Variants in STRN observed in about 807,000 individuals in gnomAD.
STRN encodes protein phosphatase 2 regulatory subunit B'''alpha.
STRN carries 53 observed loss-of-function variants against 96.3 expected under a neutral mutation model. The observed-to-expected ratio is 0.55, with a 90% CI of 0.44 to 0.69. STRN has a LOEUF of 0.69. Among genes scored for constraint, STRN ranks in the 30% least tolerant of loss-of-function variants. STRN has a pLI of 0.00. For synonymous variants in STRN, 428 were observed against 355.9 expected (o/e 1.20, Z -2.28); for missense variants, 987 against 963.9 (o/e 1.02, Z -0.32).
At chr2:36,907,377 G>C (rs558531739) in intron 3 of STRN, among the ~76,000 whole-genome samples, 79 of 152,194 alleles carry the variant, frequency 5.2e-4, no homozygotes, top group Admixed American at 7.8e-4. Context: ...GTGAAATCCT[G>C]TCTCTACTAA....
In STRN at chr2:36,932,232, G is replaced by A. The variant is rs575557856; in HGVS notation, c.235-7024C>T. 2.7e-3 allele frequency among the ~76,000 whole-genome samples: 417 copies of A among 152,094 alleles called. 1 individual carries two copies. Among genetic ancestry groups the A allele is most frequent in the African/African-American group, 9.7e-3 (401 of 41,492 alleles). The stretch of plus-strand genomic sequence containing the variant: ...TACAGTGGCGTGATCTCGGCTCACT[G>A]CAACCTCCACCTCCCGGGTTCAAGC... On this transcript the variant is annotated intron_variant, in intron 1 of 17. Transcript: ENST00000263918.
At chr2:36,894,117 A>G in intron 6 of STRN, 84 bp from the exon 7 acceptor site, 1 of 1,489,716 alleles carries the variant, frequency 6.7e-7, no homozygotes, top group Non-Finnish European at 9.0e-7. Flanking sequence ...TTTCTTCAGA[A>G]AGTATACGTT....
intron 1 of STRN, among the ~76,000 whole-genome samples, chr2:36,951,738 T>C (rs1257926249): frequency 6.6e-6 from 1 of 152,178 alleles, no homozygotes; most frequent in Non-Finnish European, 1.5e-5. Context: ...TGCCCTTAGG[T>C]GACTCAGAGT....
intron 9 of STRN, among the ~76,000 whole-genome samples, chr2:36,880,368 A>G (rs1467954706): frequency 9.9e-5 from 15 of 152,202 alleles, no homozygotes; most frequent in Non-Finnish European, 2.2e-4. Flanking sequence ...TGAGCCCAGG[A>G]GTTTGAGGCT....
In STRN at chr2:36,839,855, T is replaced by C. The variant is rs1160035966; in HGVS notation, c.*9601A>G. ...CATTTGAATATTAAATATAAATAGT[T>C]GGTCTCTAACTTGTTGACTGTTTTA... On this transcript the variant is annotated 3_prime_UTR_variant, in exon 18 of 18. Coordinates refer to ENST00000263918, the MANE Select transcript of STRN (RefSeq NM_003162.4). The C allele has an allele frequency of 6.6e-6, 1 of 152,236 alleles. No individual in the cohort carries two copies. Among genetic ancestry groups the C allele is most frequent in the African/African-American group, 2.4e-5 (1 of 41,466 alleles). 9.4% of individuals were successfully genotyped at this position (152,236 alleles called of 1,614,324 possible).
Position 36,848,991 on chromosome 2 carries a change from G to C in STRN, c.*465C>G, listed in dbSNP as rs943798581. The C allele has an allele frequency of 6.3e-6, 1 of 157,638 alleles. No homozygotes were observed. The highest frequency in any genetic ancestry group is 1.9e-4 in the South Asian group (1 of 5,374). The allele number at this position is 157,638 out of a possible 1,614,324, so 9.8% of individuals were successfully genotyped here. A position where few individuals can be genotyped will look rare whatever the true frequency, so the allele number is the denominator to read the frequency against. ...TATACACAAAGGGGTTAATATGGCA[G>C]ATATGATAAAGATTACTATTTTGAC... On this transcript the variant is annotated 3_prime_UTR_variant, in exon 18 of 18. Transcript: ENST00000263918.
chr2:36,942,746 A>G (rs929933602), intron 1 of STRN, among the ~76,000 whole-genome samples: 5 of 151,984 alleles, frequency 3.3e-5, no homozygotes, highest in African/African-American at 1.2e-4. Context: ...CCCAGGCTGG[A>G]GTGCAGTGGC....
intron 2 of STRN, among the ~76,000 whole-genome samples, chr2:36,920,222 A>T (rs1558653353): frequency 6.6e-6 from 1 of 152,126 alleles, no homozygotes; most frequent in African/African-American, 2.4e-5. Flanking sequence ...TTCCTCAATA[A>T]TTTTTTTTAA....
intron 12 of STRN, 77 bp downstream of exon 12, chr2:36,867,737 T>C (rs912306483): frequency 9.6e-5 from 92 of 960,758 alleles, no homozygotes; most frequent in Non-Finnish European, 1.2e-4. Flanking sequence ...ACCTAGTAAG[T>C]GAAAGAAAAT....
chr2:36,880,956 A>G (rs1462987797), intron 9 of STRN, among the ~76,000 whole-genome samples: 1 of 152,106 alleles, frequency 6.6e-6, no homozygotes, highest in African/African-American at 2.4e-5. Flanking sequence ...AGGCAGAGCA[A>G]TAATAAGCAT....
intron 15 of STRN, among the ~76,000 whole-genome samples, chr2:36,852,854 T>C (rs565004748): frequency 3.9e-5 from 6 of 152,286 alleles, no homozygotes; most frequent in African/African-American, 1.4e-4. Context: ...TTACCCAGCC[T>C]GTTATTTAAA....
intron 1 of STRN, among the ~76,000 whole-genome samples, chr2:36,944,809 T>A (rs532355416): frequency 1.3e-5 from 2 of 152,282 alleles, no homozygotes; most frequent in African/African-American, 4.8e-5. Context: ...ATGGAAGAGA[T>A]GCTTAAATTC....
At chr2:36,868,503 G>A (rs569399934) in intron 11 of STRN, among the ~76,000 whole-genome samples, 12 of 152,248 alleles carry the variant, frequency 7.9e-5, no homozygotes, top group African/African-American at 2.9e-4. Flanking sequence ...GACTTTGATG[G>A]AAACTGGATT....
intron 3 of STRN, among the ~76,000 whole-genome samples, chr2:36,906,531 C>A (rs946898952): frequency 6.6e-6 from 1 of 151,844 alleles, no homozygotes; most frequent in Non-Finnish European, 1.5e-5. Flanking sequence ...AGAACTAGAA[C>A]AAAATACTGA....
chr2:36,915,788 C>G (rs1670081560), intron 3 of STRN, among the ~76,000 whole-genome samples: 1 of 152,166 alleles, frequency 6.6e-6, no homozygotes, highest in Non-Finnish European at 1.5e-5. Flanking sequence ...TGGGCAGACC[C>G]AGCAAGACAA....
At chr2:36,949,218 T>C (rs1664692325) in intron 1 of STRN, among the ~76,000 whole-genome samples, 2 of 152,248 alleles carry the variant, frequency 1.3e-5, no homozygotes, top group Admixed American at 6.5e-5. Flanking sequence ...AGCCTAGGTA[T>C]GTAGCAGGCT....
At chr2:36,936,115 GAATA>G (rs1278121409) in intron 1 of STRN, among the ~76,000 whole-genome samples, 1 of 152,016 alleles carries the variant, frequency 6.6e-6, no homozygotes, top group African/African-American at 2.4e-5. Context: ...CTAATCCCCT[GAATA>G]AAGACATTTA....
intron 10 of STRN, 78 bp downstream of exon 10, chr2:36,877,813 G>A (rs1668954421): frequency 1.9e-6 from 3 of 1,546,598 alleles, no homozygotes; most frequent in Non-Finnish European, 1.8e-6. Context: ...TGGATTACAG[G>A]CGTGAGCCAC....
In STRN at chr2:36,839,970, T is replaced by G. The variant is rs1667912593; in HGVS notation, c.*9486A>C. 1.3e-5 allele frequency: 2 copies of G among 151,946 alleles called. No homozygotes were observed. Among genetic ancestry groups the G allele is most frequent in the Non-Finnish European group, 2.9e-5 (2 of 67,984 alleles). The allele number at this position is 151,946 out of a possible 1,614,324, so 9.4% of individuals were successfully genotyped here. On this transcript the variant is annotated 3_prime_UTR_variant, in exon 18 of 18. Coordinates refer to ENST00000263918, the MANE Select transcript of STRN (RefSeq NM_003162.4). The stretch of plus-strand genomic sequence containing the variant: ...AAAGACAGAGATGTTCCTAGGAGAG[T>G]TAATAAACATTGGTACAATTACTAT...
Sources: gnomAD v4.1 joint callset for allele counts (sites outside exome capture counted in the v4.1 genomes callset) on GRCh38, gnomAD v4.1.1 for gene constraint, MANE v1.5 for transcripts, NCBI Gene and HGNC (gene_info 2026-07-23, HGNC 2026-07-21) for gene names.